Variants in WWOX observed in about 807,000 individuals in gnomAD.
The protein encoded by WWOX is WW domain-containing oxidoreductase.
WWOX carries 69 observed loss-of-function variants against 46.2 expected under a neutral mutation model. The observed-to-expected ratio is 1.49, with a 90% CI of 1.23 to 1.82. The LOEUF (loss-of-function observed/expected upper bound fraction) is 1.82, where lower values mean the gene tolerates loss of function less well. WWOX is among the 40% of genes most tolerant of loss of function. The probability of loss-of-function intolerance (pLI) is 0.00; values close to 1 mark genes in which losing one functional copy is unlikely to be tolerated. For missense variants in WWOX, 919 were observed against 542.6 expected (o/e 1.69, Z -6.89); for synonymous variants, 359 against 202.6 (o/e 1.77, Z -6.56).
In WWOX at chr16:78,178,116, T is replaced by C. The variant is rs79811863; in HGVS notation, c.516+13827T>C. ...TGTTTGAATCAGGAAGTGCTGACAG[T>C]GAAGGGAGGAGCTCTTCATAATTAT... is the stretch of plus-strand genomic sequence containing the variant. On this transcript the variant is annotated intron_variant, in intron 5 of 8. Transcript: ENST00000566780. Among the ~76,000 whole-genome samples the C allele has an allele frequency of 4.5e-3, 692 of 152,270 alleles. 7 individuals carry two copies. The highest frequency in any genetic ancestry group is 0.016 in the African/African-American group (672 of 41,562).
chr16:78,254,658 C>A (rs530707656), intron 5 of WWOX, among the ~76,000 whole-genome samples: 11 of 151,784 alleles, frequency 7.2e-5, no homozygotes, highest in Non-Finnish European at 1.5e-5. Flanking sequence ...GCCTCCTGAG[C>A]ACCCGGGTGC....
intron 8 of WWOX, among the ~76,000 whole-genome samples, chr16:79,031,059 C>T (rs1242331049): frequency 6.7e-6 from 1 of 148,786 alleles, no homozygotes; most frequent in African/African-American, 2.5e-5. Flanking sequence ...AGTCACTGCA[C>T]TCCAGCCTGG....
intron 8 of WWOX, among the ~76,000 whole-genome samples, chr16:79,199,394 AG>A (rs963569701): frequency 6.6e-6 from 1 of 152,176 alleles, no homozygotes; most frequent in Admixed American, 6.5e-5. Context: ...TAATGTGTGC[AG>A]AATTCCCCCT....
intron 8 of WWOX, among the ~76,000 whole-genome samples, chr16:79,052,198 C>G (rs1416134449): frequency 6.6e-6 from 1 of 150,818 alleles, no homozygotes; most frequent in Non-Finnish European, 1.5e-5. Flanking sequence ...CTTCCCCCCA[C>G]CCCACCACAG....
chr16:78,543,749 C>CTG (rs2043956622), intron 8 of WWOX, among the ~76,000 whole-genome samples: 1 of 152,100 alleles, frequency 6.6e-6, no homozygotes, highest in Non-Finnish European at 1.5e-5. Flanking sequence ...AAACAGAAAC[C>CTG]TGTGAGATCC....
chr16:78,373,134 T>C (rs4289008), intron 5 of WWOX, among the ~76,000 whole-genome samples: 8,108 of 152,242 alleles, frequency 0.053, 280 homozygotes, highest in East Asian at 0.12. Flanking sequence ...AATATCTTTG[T>C]AAAAGCAGCG....
intron 6 of WWOX, among the ~76,000 whole-genome samples, chr16:78,414,399 C>A (rs1361545225): frequency 6.6e-6 from 1 of 151,976 alleles, no homozygotes; most frequent in Non-Finnish European, 1.5e-5. Context: ...TGAAACCCTG[C>A]ATCTACTAAA....
At position 78,287,276 on chromosome 16, in the gene WWOX, A is replaced by G. The variant is rs186373600; in HGVS notation, c.517-99584A>G. On this transcript the variant is annotated intron_variant, in intron 5 of 8. Coordinates refer to ENST00000566780, the MANE Select transcript of WWOX (RefSeq NM_016373.4). ...TTCTTTGAAACGGTTTTAAATTTCT[A>G]ATTGCCTAAGCAATCTATGACACTC... Among the ~76,000 whole-genome samples the G allele has an allele frequency of 1.1e-3, 162 of 152,284 alleles. 1 individual carries two copies. The highest frequency in any genetic ancestry group is 1.9e-3 in the Non-Finnish European group (127 of 68,030).
At chr16:78,958,577 G>GT (rs769372301) in intron 8 of WWOX, among the ~76,000 whole-genome samples, 1 of 152,206 alleles carries the variant, frequency 6.6e-6, no homozygotes, top group Non-Finnish European at 1.5e-5. Context: ...GCTGAACAGT[G>GT]TTTTTTAACA....
chr16:78,772,474 G>A (rs530972896), intron 8 of WWOX, among the ~76,000 whole-genome samples: 10 of 152,036 alleles, frequency 6.6e-5, no homozygotes, highest in South Asian at 4.1e-4. Flanking sequence ...TCCAGTAGAC[G>A]TGTAATTCTT....
intron 8 of WWOX, among the ~76,000 whole-genome samples, chr16:78,698,009 C>A (rs934516081): frequency 9.9e-5 from 15 of 152,084 alleles, no homozygotes; most frequent in African/African-American, 2.4e-5. Flanking sequence ...TTTAGTAGGT[C>A]AAGATATACT....
intron 8 of WWOX, among the ~76,000 whole-genome samples, chr16:78,607,063 T>TG (rs1015121518): frequency 5.3e-5 from 8 of 152,164 alleles, no homozygotes; most frequent in African/African-American, 9.7e-5. Context: ...ATGCAAATGG[T>TG]GGCCAAGGGG....
chr16:78,698,034 G>C (rs1005961679), intron 8 of WWOX, among the ~76,000 whole-genome samples: 27 of 152,250 alleles, frequency 1.8e-4, no homozygotes, highest in African/African-American at 6.3e-4. Context: ...GTTTCAAAGG[G>C]CTTATAAATT....
intron 5 of WWOX, among the ~76,000 whole-genome samples, chr16:78,182,190 T>A (rs1346338940): frequency 1.3e-5 from 2 of 152,232 alleles, no homozygotes; most frequent in African/African-American, 4.8e-5. Flanking sequence ...ATGACAGTAT[T>A]TGGATCACAA....
At chr16:78,172,137 A>G (rs537465972) in intron 5 of WWOX, among the ~76,000 whole-genome samples, 10 of 152,230 alleles carry the variant, frequency 6.6e-5, no homozygotes, top group Admixed American at 6.5e-4. Context: ...AAGGACTTAG[A>G]CAAGTATTGT....
chr16:78,277,504 G>A (rs1435085883), intron 5 of WWOX, among the ~76,000 whole-genome samples: 3 of 152,230 alleles, frequency 2.0e-5, no homozygotes, highest in East Asian at 3.9e-4. Context: ...GGGACAAATA[G>A]AGGGAATATT....
intron 8 of WWOX, among the ~76,000 whole-genome samples, chr16:78,437,575 C>G (rs959391558): frequency 1.5e-5 from 2 of 131,436 alleles, no homozygotes; most frequent in African/African-American, 5.8e-5. Flanking sequence ...CTGCCTCCCT[C>G]TTCTTCTTCA....
At chr16:78,769,098 C>A (rs1214590067) in intron 8 of WWOX, among the ~76,000 whole-genome samples, 1 of 152,272 alleles carries the variant, frequency 6.6e-6, no homozygotes, top group Non-Finnish European at 1.5e-5. Flanking sequence ...TTATAAGGCT[C>A]TGGCATTTGA....
intron 6 of WWOX, among the ~76,000 whole-genome samples, chr16:78,395,918 C>T (rs2082274976): frequency 6.6e-6 from 1 of 152,134 alleles, no homozygotes; most frequent in Non-Finnish European, 1.5e-5. Flanking sequence ...TGATTTTAGG[C>T]ATCTTTTTCA....
Sources: allele counts gnomAD v4.1 joint callset (sites outside exome capture counted in the v4.1 genomes callset), GRCh38; gene constraint gnomAD v4.1.1; transcripts MANE v1.5; gene names NCBI Gene and HGNC (gene_info 2026-07-23, HGNC 2026-07-21).